Variants in FILIP1 observed in about 807,000 individuals in gnomAD.
FILIP1 encodes filamin A interacting protein 1.
Under a neutral mutation model 102.1 loss-of-function variants are expected in FILIP1, and 61 were observed. That is an observed-to-expected ratio of 0.60 (90% CI 0.49 to 0.74). The LOEUF (loss-of-function observed/expected upper bound fraction) is 0.74. Among genes scored for constraint, FILIP1 ranks in the 30% least tolerant of loss-of-function variants. The probability of loss-of-function intolerance (pLI) is 0.00; values close to 1 mark genes in which losing one functional copy is unlikely to be tolerated. For missense variants in FILIP1, 1,314 were observed against 1,441.2 expected (o/e 0.91, Z 1.43); for synonymous variants, 491 against 526.9 (o/e 0.93, Z 0.93).
chr6:75,371,164 T>C (rs1430547302), intron 2 of FILIP1, among the ~76,000 whole-genome samples: 4 of 152,220 alleles, frequency 2.6e-5, no homozygotes, highest in Admixed American at 2.6e-4. Flanking sequence ...TACAACTATG[T>C]ACAAGAAGAA....
intron 4 of FILIP1, among the ~76,000 whole-genome samples, chr6:75,326,301 G>A (rs1431647368): frequency 1.3e-5 from 2 of 152,104 alleles, no homozygotes; most frequent in Non-Finnish European, 2.9e-5. Flanking sequence ...TAAGCTATGA[G>A]GACGCAAAGG....
intron 1 of FILIP1, among the ~76,000 whole-genome samples, chr6:75,421,236 T>C (rs1158377124): frequency 6.6e-6 from 1 of 152,154 alleles, no homozygotes. Context: ...CAGATGAGGA[T>C]GAGAGATGTC....
At chr6:75,311,188 T>C (rs1582317732) in intron 5 of FILIP1, among the ~76,000 whole-genome samples, 2 of 152,108 alleles carry the variant, frequency 1.3e-5, no homozygotes, top group East Asian at 3.8e-4. Flanking sequence ...TTTATTTATT[T>C]ATTTACTTTT....
intron 4 of FILIP1, among the ~76,000 whole-genome samples, chr6:75,348,070 C>CACACACACACAA (rs1774654455): frequency 6.6e-6 from 1 of 151,726 alleles, no homozygotes; most frequent in Non-Finnish European, 1.5e-5. Context: ...TATACACACA[C>CACACACACACAA]ACACACACAC....
intron 2 of FILIP1, chr6:75,385,615 T>G (rs1290524951): frequency 1.3e-5 from 2 of 152,184 alleles, no homozygotes; most frequent in African/African-American, 2.4e-5. Context: ...CAGATAAGTA[T>G]ATATATAGTA....
chr6:75,342,544 G>A (rs1774448643), intron 4 of FILIP1, among the ~76,000 whole-genome samples: 1 of 152,220 alleles, frequency 6.6e-6, no homozygotes, highest in Admixed American at 6.5e-5. Context: ...GTTTCCTTTA[G>A]TAAATTCAGA....
At chr6:75,336,605 A>T (rs1217712998) in intron 4 of FILIP1, among the ~76,000 whole-genome samples, 2 of 152,176 alleles carry the variant, frequency 1.3e-5, no homozygotes. Flanking sequence ...CTTGAATTAT[A>T]GTCCTGGGGA....
chr6:75,405,777 G>A (rs1017454985), intron 2 of FILIP1, among the ~76,000 whole-genome samples: 3 of 152,148 alleles, frequency 2.0e-5, no homozygotes, highest in Non-Finnish European at 4.4e-5. Context: ...AGGGGTGAGT[G>A]GTTTGGTGGG....
intron 1 of FILIP1, among the ~76,000 whole-genome samples, chr6:75,416,171 A>T (rs1777263382): frequency 6.6e-6 from 1 of 152,170 alleles, no homozygotes; most frequent in Non-Finnish European, 1.5e-5. Flanking sequence ...ATACTTAAGA[A>T]ACTAAGGAAA....
At chr6:75,383,881 C>T (rs117340682) in intron 2 of FILIP1, among the ~76,000 whole-genome samples, 11 of 152,260 alleles carry the variant, frequency 7.2e-5, no homozygotes, top group Non-Finnish European at 1.6e-4. Flanking sequence ...GGCAACCTAA[C>T]TTCAGAGCTG....
At chr6:75,457,042 TA>T (rs1164664357) in intron 1 of FILIP1, among the ~76,000 whole-genome samples, 2 of 152,312 alleles carry the variant, frequency 1.3e-5, no homozygotes, top group Admixed American at 6.5e-5. Flanking sequence ...AATGATAAAA[TA>T]TTTTTTATAT....
chr6:75,354,580 A>C (rs911909011), intron 3 of FILIP1, among the ~76,000 whole-genome samples: 1 of 152,118 alleles, frequency 6.6e-6, no homozygotes, highest in Admixed American at 6.5e-5. Context: ...CAAAAAAAAA[A>C]AAAAAAAAAA....
chr6:75,388,913 T>C (rs1234705249), intron 2 of FILIP1, among the ~76,000 whole-genome samples: 3 of 152,176 alleles, frequency 2.0e-5, no homozygotes, highest in South Asian at 2.1e-4. Context: ...CTATGTTGAA[T>C]AGGAGTGGTG....
chr6:75,334,936 G>C (rs1774192629), intron 4 of FILIP1: 1 of 152,192 alleles, frequency 6.6e-6, no homozygotes, highest in Non-Finnish European at 1.5e-5. Context: ...CAGCTCTTAA[G>C]AAGCAAAGCA....
intron 1 of FILIP1, among the ~76,000 whole-genome samples, chr6:75,451,982 G>A (rs746075937): frequency 3.3e-5 from 5 of 151,894 alleles, no homozygotes; most frequent in East Asian, 1.9e-4. Context: ...TAAATAATCC[G>A]ACCAGTTGTA....
At position 75,420,960 on chromosome 6, in the gene FILIP1, T is replaced by C. The variant is rs138097399; in HGVS notation, c.-6-5982A>G. Among the ~76,000 whole-genome samples, 459 of 152,296 alleles carry C rather than the reference T, an allele frequency of 3.0e-3. 2 individuals are homozygous for C. Among genetic ancestry groups the C allele is most frequent in the African/African-American group, 0.01 (427 of 41,584 alleles). On this transcript the variant is annotated intron_variant, in intron 1 of 5. Coordinates refer to ENST00000237172, the MANE Select transcript of FILIP1 (RefSeq NM_015687.5). ...TAGAATATAGGTTTATAGAACTCAT[T>C]GCTTCCAATTAAAGTAACTAGATAA...
intron 1 of FILIP1, among the ~76,000 whole-genome samples, chr6:75,440,964 G>A (rs2149719825): frequency 1.3e-5 from 2 of 150,762 alleles, no homozygotes; most frequent in East Asian, 3.9e-4. Flanking sequence ...AAAAAAAAAG[G>A]TATGACCGAA....
chr6:75,293,434 T>C (rs962922884), exon 7 of FILIP1: 1 of 152,190 alleles, frequency 6.6e-6, no homozygotes, highest in African/African-American at 2.4e-5. Flanking sequence ...TTTTGGTTAA[T>C]TTTGCATATT....
At chr6:75,423,165 A>G (rs547701602) in intron 1 of FILIP1, among the ~76,000 whole-genome samples, 1 of 152,280 alleles carries the variant, frequency 6.6e-6, no homozygotes, top group East Asian at 1.9e-4. Context: ...AAGTTGCTGA[A>G]GAACTCAACG....
Sources: gnomAD v4.1 joint callset for allele counts (sites outside exome capture counted in the v4.1 genomes callset) on GRCh38, gnomAD v4.1.1 for gene constraint, MANE v1.5 for transcripts, NCBI Gene and HGNC (gene_info 2026-07-23, HGNC 2026-07-21) for gene names.